Variants in CNKSR2 observed in about 807,000 individuals in gnomAD.
CNKSR2 encodes connector enhancer of kinase suppressor of Ras 2.
In CNKSR2, 14 loss-of-function variants were observed where a neutral mutation model predicts 84.4. The ratio of observed to expected loss-of-function variants is 0.17; its 90% confidence interval spans 0.11 to 0.26. The LOEUF (loss-of-function observed/expected upper bound fraction) is 0.26. Ranked by LOEUF, CNKSR2 falls within the 10% of genes least tolerant of loss-of-function variation. The pLI is 1.00. For missense variants in CNKSR2, 485 were observed against 771.2 expected, an observed-to-expected ratio of 0.63 and a Z score of 4.40; for synonymous variants, 275 against 277.9, an observed-to-expected ratio of 0.99 and a Z score of 0.10.
intron 1 of CNKSR2, among the ~76,000 whole-genome samples, chrX:21,383,625 T>C (rs1395913507): frequency 8.9e-6 from 1 of 111,872 alleles, no homozygotes; most frequent in African/African-American, 3.2e-5. Flanking sequence ...CAGTGGTAGA[T>C]AAGAAGAAAC....
chrX:21,514,819 C>T (rs1036248842), intron 8 of CNKSR2, among the ~76,000 whole-genome samples: 1 of 111,354 alleles, frequency 9.0e-6, no homozygotes, highest in Admixed American at 9.6e-5. Flanking sequence ...TCCCTCCAAA[C>T]TTGTAATTCA....
chrX:21,423,442 A>G (rs2090524175), intron 1 of CNKSR2: 3 of 112,334 alleles, frequency 2.7e-5, no homozygotes, highest in Non-Finnish European at 5.6e-5. Context: ...TAGAATTGAT[A>G]TAAAACTATT....
intron 13 of CNKSR2, among the ~76,000 whole-genome samples, chrX:21,572,785 A>G (rs1044196219): frequency 1.8e-5 from 2 of 111,493 alleles, no homozygotes; most frequent in Admixed American, 9.5e-5. Context: ...CTATAATTCA[A>G]GATGAGATTT....
Position 21,374,860 on chromosome X carries a change from C to T in CNKSR2, c.-38C>T, listed in dbSNP as rs199829943. On this transcript the variant is annotated 5_prime_UTR_variant, in exon 1 of 22. Coordinates refer to ENST00000379510, the MANE Select transcript of CNKSR2 (RefSeq NM_014927.5). ...TCGGGCTGCTGAGTTCGTTTTGTGT[C>T]TGAGCTCTGCGCTCTGCACGGAACC... is the stretch of plus-strand genomic sequence containing the variant. 75 of 1,162,654 alleles carry T rather than the reference C, an allele frequency of 6.5e-5. No homozygotes were observed. In the African/African-American group the frequency reaches 1.1e-3, roughly 16 times the overall value.
intron 1 of CNKSR2, among the ~76,000 whole-genome samples, chrX:21,403,862 A>G (rs1432635302): frequency 8.9e-6 from 1 of 111,915 alleles, no homozygotes; most frequent in Non-Finnish European, 1.9e-5. Context: ...TTCTTTATAC[A>G]GCTGCTATGT....
At chrX:21,587,948 G>T (rs2092398735) in intron 13 of CNKSR2, among the ~76,000 whole-genome samples, 1 of 111,267 alleles carries the variant, frequency 9.0e-6, no homozygotes, top group African/African-American at 3.3e-5. Flanking sequence ...GATCAGTAAG[G>T]AAAAAAGACA....
At chrX:21,447,000 C>G (rs947402455) in intron 4 of CNKSR2, among the ~76,000 whole-genome samples, 6 of 111,437 alleles carry the variant, frequency 5.4e-5, no homozygotes, top group African/African-American at 1.9e-4. Context: ...ATCAGCTTGC[C>G]TCCTCAAGGT....
intron 5 of CNKSR2, among the ~76,000 whole-genome samples, chrX:21,480,907 C>CAT (rs2091312451): frequency 8.9e-6 from 1 of 111,884 alleles, no homozygotes; most frequent in African/African-American, 3.2e-5. Flanking sequence ...TATTTACTTG[C>CAT]CAAACAATGT....
intron 18 of CNKSR2, among the ~76,000 whole-genome samples, chrX:21,603,245 A>G (rs183501556): frequency 8.9e-6 from 1 of 112,501 alleles, no homozygotes. Context: ...TTTGATTTCC[A>G]CATAGAATGC....
At chrX:21,406,113 A>G (rs2090259477) in intron 1 of CNKSR2, among the ~76,000 whole-genome samples, 1 of 111,304 alleles carries the variant, frequency 9.0e-6, no homozygotes, top group South Asian at 3.8e-4. Context: ...AACGAGCACT[A>G]CAGTCTGAGT....
chrX:21,605,986 T>C (rs2092514299), intron 18 of CNKSR2, among the ~76,000 whole-genome samples: 1 of 112,284 alleles, frequency 8.9e-6, no homozygotes, highest in Admixed American at 9.5e-5. Flanking sequence ...GGAATATTAC[T>C]GGAACAGATT....
At position 21,476,047 on chromosome X, in the gene CNKSR2, GGT is replaced by G. The variant is rs765522612; in HGVS notation, c.561+5242_561+5243del. Among the ~76,000 whole-genome samples, 15 of 110,899 alleles carry G rather than the reference GGT, an allele frequency of 1.4e-4. No homozygotes were observed. In the East Asian group the frequency reaches 2.3e-3, roughly 17 times the overall value. On this transcript the variant is annotated intron_variant, in intron 5 of 21. Coordinates refer to ENST00000379510, the MANE Select transcript of CNKSR2 (RefSeq NM_014927.5). ...CAAACTGAGAGAGCTGAGGTTGTGAGGTGGTGTATCTTTCCCTGAAATAGATC... is the reference window on the plus strand; with the variant it reads ...CAAACTGAGAGAGCTGAGGTTGTGAGGGTGTATCTTTCCCTGAAATAGATC...
chrX:21,393,030 A>G (rs982782266), intron 1 of CNKSR2, among the ~76,000 whole-genome samples: 1 of 112,112 alleles, frequency 8.9e-6, no homozygotes, highest in African/African-American at 3.2e-5. Flanking sequence ...CTGACAGAAA[A>G]CTTAATGCAT....
intron 5 of CNKSR2, among the ~76,000 whole-genome samples, chrX:21,474,903 CTT>C (rs2091244358): frequency 8.9e-6 from 1 of 111,814 alleles, no homozygotes; most frequent in African/African-American, 3.3e-5. Flanking sequence ...ATGCAACAGA[CTT>C]AATGTTGGTT....
At chrX:21,497,957 A>G (rs1031509221) in intron 7 of CNKSR2, 111 bp downstream of exon 7, 2 of 426,641 alleles carry the variant, frequency 4.7e-6, no homozygotes, top group African/African-American at 5.0e-5. Context: ...ACATGAACAG[A>G]TAGTAGATAC....
chrX:21,406,335 G>T (rs2090263170), intron 1 of CNKSR2, among the ~76,000 whole-genome samples: 1 of 111,328 alleles, frequency 9.0e-6, no homozygotes, highest in Middle Eastern at 4.6e-3. Flanking sequence ...GGGCCAAAAA[G>T]GTTGGGGACT....
chrX:21,546,846 G>A lies in CNKSR2; in HGVS notation c.1304-14625G>A, dbSNP rs760675631. On this transcript the variant is annotated intron_variant, in intron 11 of 21. Coordinates refer to ENST00000379510, the MANE Select transcript of CNKSR2 (RefSeq NM_014927.5). Reference sequence around the variant, plus strand: ...GCCAAACTAAGATTCATAAGCTAAGGAGAAATAAAATCCTTTACAGACAAG... The same window carrying A: ...GCCAAACTAAGATTCATAAGCTAAGAAGAAATAAAATCCTTTACAGACAAG... Among the ~76,000 whole-genome samples, 17 of 111,664 alleles carry A rather than the reference G, an allele frequency of 1.5e-4. No individual in the cohort carries two copies. The East Asian group carries it at 2.8e-3, about 18-fold the overall frequency.
chrX:21,493,722 G>T (rs2091464995), intron 6 of CNKSR2: 1 of 111,175 alleles, frequency 9.0e-6, no homozygotes, highest in African/African-American at 3.3e-5. Context: ...TTCTTATTCA[G>T]AAGATGATTA....
At chrX:21,377,815 A>G (rs1012629548) in intron 1 of CNKSR2, among the ~76,000 whole-genome samples, 1 of 111,451 alleles carries the variant, frequency 9.0e-6, no homozygotes, top group Non-Finnish European at 1.9e-5. Context: ...GAAGGGGGAA[A>G]AAAAGCTGAC....
Sources: allele counts gnomAD v4.1 joint callset (sites outside exome capture counted in the v4.1 genomes callset), GRCh38; gene constraint gnomAD v4.1.1; transcripts MANE v1.5; gene names NCBI Gene and HGNC (gene_info 2026-07-23, HGNC 2026-07-21).